ROBO2: variants seen among roughly 807,000 people sequenced by gnomAD.
The protein encoded by ROBO2 is roundabout guidance receptor 2.
In ROBO2, 53 loss-of-function variants were observed where a neutral mutation model predicts 160.8. That is an observed-to-expected ratio of 0.33 (90% CI 0.26 to 0.41). The LOEUF (loss-of-function observed/expected upper bound fraction) is 0.41. Ranked by LOEUF, ROBO2 falls within the 10% of genes least tolerant of loss-of-function variation. The pLI, the probability that ROBO2 is intolerant of heterozygous loss-of-function variation, is 1.00. For synonymous variants in ROBO2, 664 were observed against 611.7 expected, an observed-to-expected ratio of 1.09 and a Z score of -1.26; for missense variants, 1,577 against 1,722.4, an observed-to-expected ratio of 0.92 and a Z score of 1.49.
At chr3:77,394,856 G>A (rs543019492) in intron 2 of ROBO2, among the ~76,000 whole-genome samples, 29 of 152,098 alleles carry the variant, frequency 1.9e-4, no homozygotes, top group Non-Finnish European at 3.8e-4. Flanking sequence ...TCAAGATATC[G>A]ACAAGCTTCT....
At chr3:77,469,794 T>A (rs747305942) in intron 2 of ROBO2, among the ~76,000 whole-genome samples, 8 of 152,194 alleles carry the variant, frequency 5.3e-5, no homozygotes, top group Non-Finnish European at 1.0e-4. Context: ...AACACTGTGG[T>A]CTATTTTATA....
chr3:76,378,961 A>G (rs1047418515), intron 2 of ROBO2, among the ~76,000 whole-genome samples: 2 of 152,188 alleles, frequency 1.3e-5, no homozygotes, highest in African/African-American at 2.4e-5. Context: ...AAGATTTCTC[A>G]CTATATTATC....
intron 2 of ROBO2, among the ~76,000 whole-genome samples, chr3:76,691,208 G>T (rs1025316549): frequency 6.6e-6 from 1 of 151,956 alleles, no homozygotes; most frequent in Non-Finnish European, 1.5e-5. Flanking sequence ...GAATAAGTTC[G>T]GCCCAATTTT....
At chr3:76,222,438 T>C (rs1291353461) in intron 2 of ROBO2, among the ~76,000 whole-genome samples, 2 of 152,188 alleles carry the variant, frequency 1.3e-5, no homozygotes, top group East Asian at 1.9e-4. Flanking sequence ...GGCTTATACG[T>C]TGGCATAATT....
intron 2 of ROBO2, among the ~76,000 whole-genome samples, chr3:77,472,594 G>C (rs952380160): frequency 3.9e-5 from 6 of 151,976 alleles, no homozygotes; most frequent in Non-Finnish European, 7.4e-5. Context: ...GTGAATATTC[G>C]GGTTCTAGCC....
intron 2 of ROBO2, among the ~76,000 whole-genome samples, chr3:76,517,334 T>C (rs528787976): frequency 6.6e-6 from 1 of 151,200 alleles, no homozygotes; most frequent in African/African-American, 2.4e-5. Flanking sequence ...AAATAAAAAG[T>C]TAGAGTGACA....
At chr3:76,220,265 C>CA (rs990962950) in intron 2 of ROBO2, among the ~76,000 whole-genome samples, 1 of 151,242 alleles carries the variant, frequency 6.6e-6, no homozygotes, top group African/African-American at 2.4e-5. Context: ...CAGCATGGCA[C>CA]ATGTATACAT....
chr3:76,028,657 A>G (rs618677), intron 2 of ROBO2, among the ~76,000 whole-genome samples: 107,873 of 151,768 alleles, frequency 0.71, 41,259 homozygotes, highest in South Asian at 0.89. Context: ...ATGGTGCGGT[A>G]TAAAATTCCA....
intron 2 of ROBO2, among the ~76,000 whole-genome samples, chr3:77,464,214 G>A (rs2153574343): frequency 6.6e-6 from 1 of 152,244 alleles, no homozygotes; most frequent in East Asian, 1.9e-4. Flanking sequence ...AATAAAAGTA[G>A]CAGAACAGAG....
chr3:77,534,886 A>G (rs183874714), intron 6 of ROBO2, among the ~76,000 whole-genome samples: 1 of 152,158 alleles, frequency 6.6e-6, no homozygotes, highest in African/African-American at 2.4e-5. Context: ...GGGCACACAA[A>G]TGTTGGTGCA....
chr3:77,248,150 C>A (rs74569981), intron 2 of ROBO2, among the ~76,000 whole-genome samples: 10,096 of 152,174 alleles, frequency 0.066, 620 homozygotes, highest in South Asian at 0.19. Flanking sequence ...GGAGAGGAGT[C>A]CGGTGGGGAT....
intron 2 of ROBO2, among the ~76,000 whole-genome samples, chr3:76,755,953 G>A (rs1011440758): frequency 4.0e-5 from 6 of 151,740 alleles, no homozygotes; most frequent in Non-Finnish European, 8.8e-5. Flanking sequence ...CTAATGGTAT[G>A]AGAAGTAAAA....
intron 2 of ROBO2, among the ~76,000 whole-genome samples, chr3:76,168,970 A>T (rs1330140837): frequency 1.3e-5 from 2 of 151,842 alleles, no homozygotes; most frequent in African/African-American, 4.8e-5. Flanking sequence ...TGATTTCCTA[A>T]CTTTTAAAAG....
In ROBO2 at chr3:77,603,067, C is replaced by T. The variant is rs943036348; in HGVS notation, c.3136+576C>T. On this transcript the variant is annotated intron_variant, in intron 20 of 25. Transcript: ENST00000461745. ...AGGAGTGGCAGTCTCTCAGGTTGGT[C>T]TCATCACAGTAAGGAGAAATATTTG... 2.0e-4 allele frequency: 92 copies of T among 456,576 alleles called. 1 individual carries two copies. In the Admixed American group the frequency reaches 2.2e-3, roughly 11 times the overall value. 28.3% of individuals were successfully genotyped at this position (456,576 alleles called of 1,614,324 possible). A position where few individuals can be genotyped will look rare whatever the true frequency, so the allele number is the denominator to read the frequency against.
rs1008548567 is a variant in ROBO2, at chr3:76,132,403, G to C, written c.109+194801G>C. ...CCAAATTCCAGACTGTTGGGGGGGG[G>C]GGGGGACGCAGATGTTCAGCATAAA... is the stretch of plus-strand genomic sequence containing the variant. On this transcript the variant is annotated intron_variant, in intron 2 of 26. Coordinates refer to the ROBO2 transcript ENST00000487694. Among the ~76,000 whole-genome samples the C allele has an allele frequency of 1.2e-4, 17 of 136,258 alleles. 1 individual carries two copies. Among genetic ancestry groups the C allele is most frequent in the African/African-American group, 2.6e-4 (10 of 38,902 alleles). The allele number at this position is 136,258 out of a possible 152,430, so 89.4% of individuals were successfully genotyped here. A position where few individuals can be genotyped will look rare whatever the true frequency, so the allele number is the denominator to read the frequency against.
At chr3:76,642,763 G>A (rs1416205796) in intron 2 of ROBO2, among the ~76,000 whole-genome samples, 1 of 152,090 alleles carries the variant, frequency 6.6e-6, no homozygotes, top group Non-Finnish European at 1.5e-5. Flanking sequence ...TGTGATACAA[G>A]AAAACTTCAT....
At chr3:76,530,737 T>C (rs1466249772) in intron 2 of ROBO2, among the ~76,000 whole-genome samples, 1 of 152,180 alleles carries the variant, frequency 6.6e-6, no homozygotes, top group Non-Finnish European at 1.5e-5. Flanking sequence ...TTTGGAAGGT[T>C]GAGAGTTTGG....
At chr3:75,974,494 T>G (rs547298462) in intron 2 of ROBO2, among the ~76,000 whole-genome samples, 8 of 151,658 alleles carry the variant, frequency 5.3e-5, no homozygotes, top group Middle Eastern at 3.4e-3. Flanking sequence ...GTTTTGGGGG[T>G]TAAAATCCAT....
chr3:77,564,986 C>T (rs1271172110), exon 12 of ROBO2: 3 of 1,613,540 alleles, frequency 1.9e-6, no homozygotes, highest in Non-Finnish European at 2.5e-6. Flanking sequence ...CAGACCGTGG[C>T]AAACCATGTA....
Sources: allele counts gnomAD v4.1 joint callset (sites outside exome capture counted in the v4.1 genomes callset), GRCh38; gene constraint gnomAD v4.1.1; transcripts MANE v1.5; gene names NCBI Gene and HGNC (gene_info 2026-07-23, HGNC 2026-07-21).